Variants in POU3F3 observed in about 807,000 individuals in gnomAD.
The protein encoded by POU3F3 is POU class 3 homeobox 3, also known as POU domain, class 3, transcription factor 3.
POU3F3 carries 1 observed loss-of-function variant against 8.6 expected under a neutral mutation model. That is an observed-to-expected ratio of 0.12 (90% CI 0.04 to 0.55). The LOEUF (loss-of-function observed/expected upper bound fraction) is 0.55. Among genes scored for constraint, POU3F3 ranks in the 20% least tolerant of loss-of-function variants. POU3F3 has a pLI of 0.91. For synonymous variants in POU3F3, 418 were observed against 327.4 expected (o/e 1.28, Z -2.99); for missense variants, 577 against 690.7 (o/e 0.84, Z 1.84).
chr2:104,857,223 G>A lies in POU3F3; in HGVS notation c.*210G>A, dbSNP rs950578843. Reference sequence around the variant, plus strand: ...GACAGGCATGCCCGCCCTTGGAGGAGAAAACGCGGGAGAAACGGACCAAGG... The same window carrying A: ...GACAGGCATGCCCGCCCTTGGAGGAAAAAACGCGGGAGAAACGGACCAAGG... On this transcript the variant is annotated 3_prime_UTR_variant, in exon 1 of 1. Transcript: ENST00000361360. 3.2e-5 allele frequency: 15 copies of A among 463,426 alleles called. No homozygotes were observed. Among genetic ancestry groups the A allele is most frequent in the African/African-American group, 3.0e-4 (14 of 47,148 alleles). The allele number at this position is 463,426 out of a possible 1,614,324, so 28.7% of individuals were successfully genotyped here.
chr2:104,901,375 T>C, the POU3F3 span, among the ~76,000 whole-genome samples: 1 of 152,342 alleles, frequency 6.6e-6, no homozygotes, highest in Admixed American at 6.5e-5. Flanking sequence ...TCGATATGTT[T>C]TGGGCCTAAT....
the POU3F3 span, among the ~76,000 whole-genome samples, chr2:104,890,547 T>C: frequency 1.6e-3 from 237 of 152,246 alleles, 1 homozygote; most frequent in Non-Finnish European, 3.0e-3. Context: ...GCATCAAGCA[T>C]TGCTGTGAAC....
At chr2:104,914,960 T>G in the POU3F3 span, among the ~76,000 whole-genome samples, 1 of 152,222 alleles carries the variant, frequency 6.6e-6, no homozygotes, top group Non-Finnish European at 1.5e-5. Context: ...GACCTCTCTG[T>G]GGAGCCCTGA....
the POU3F3 span, among the ~76,000 whole-genome samples, chr2:104,893,814 C>T: frequency 6.9e-5 from 10 of 145,184 alleles, no homozygotes; most frequent in Admixed American, 1.4e-4. Flanking sequence ...ACCCTGGAGG[C>T]GGAGGTTGCA....
At chr2:104,872,633 C>A in the POU3F3 span, 1 of 253,312 alleles carries the variant, frequency 3.9e-6, no homozygotes, top group Non-Finnish European at 7.7e-6. This position sits in a 1 kb window ranked among gnomAD's most constrained non-coding sequence, Gnocchi z 4.6. Context: ...AAACCCAGGC[C>A]GCGGGCTCCC....
the POU3F3 span, among the ~76,000 whole-genome samples, chr2:104,873,537 TCA>T: frequency 6.6e-6 from 1 of 152,088 alleles, no homozygotes; most frequent in Non-Finnish European, 1.5e-5. Context: ...GCACTCGCAC[TCA>T]CACACACTCA....
the POU3F3 span, among the ~76,000 whole-genome samples, chr2:104,917,396 T>C: frequency 1.3e-5 from 2 of 152,230 alleles, no homozygotes; most frequent in Non-Finnish European, 2.9e-5. Flanking sequence ...CAATTGTTAA[T>C]CAAATAATTC....
the POU3F3 span, among the ~76,000 whole-genome samples, chr2:104,914,652 G>A: frequency 2.0e-5 from 3 of 152,166 alleles, no homozygotes; most frequent in Non-Finnish European, 4.4e-5. Flanking sequence ...CTGGCGATTG[G>A]AAGACTGGCT....
chr2:104,863,798 C>G, the POU3F3 span, among the ~76,000 whole-genome samples: 1 of 152,242 alleles, frequency 6.6e-6, no homozygotes, highest in African/African-American at 2.4e-5. Context: ...TAACCTTTCG[C>G]TCGGGTCCCC....
At chr2:104,901,840 T>A in the POU3F3 span, among the ~76,000 whole-genome samples, 1 of 152,360 alleles carries the variant, frequency 6.6e-6, no homozygotes, top group African/African-American at 2.4e-5. Context: ...GGTGTTCCAT[T>A]AACCAAGTCG....
At chr2:104,882,061 G>A in the POU3F3 span, among the ~76,000 whole-genome samples, 1 of 152,152 alleles carries the variant, frequency 6.6e-6, no homozygotes, top group African/African-American at 2.4e-5. Flanking sequence ...CTCACTAAAA[G>A]ATTATTACAG....
the POU3F3 span, among the ~76,000 whole-genome samples, chr2:104,883,530 A>G: frequency 2.0e-5 from 3 of 152,212 alleles, no homozygotes; most frequent in Non-Finnish European, 4.4e-5. Flanking sequence ...GAGCTGCCCA[A>G]GGAAGAGTCA....
the POU3F3 span, among the ~76,000 whole-genome samples, chr2:104,927,051 T>G: frequency 1.8e-4 from 27 of 152,170 alleles, 1 homozygote; most frequent in Non-Finnish European, 8.8e-5. Context: ...TGTGTATACC[T>G]ATGTAACAAA....
rs984986074 is a variant in POU3F3, at chr2:104,855,112, G to C, written c.-399G>C. 2.0e-5 allele frequency among the ~76,000 whole-genome samples: 3 copies of C among 151,820 alleles called. No homozygotes were observed. Among genetic ancestry groups the C allele is most frequent in the Admixed American group, 1.3e-4 (2 of 15,264 alleles). ...GGCGAGCCCCGCTGGAGCGAGCCCA[G>C]CGCGCCGGGGCTGGGGGGCGGCCAC... On this transcript the variant is annotated 5_prime_UTR_variant, in exon 1 of 1. Coordinates refer to ENST00000361360, the MANE Select transcript of POU3F3 (RefSeq NM_006236.3).
At chr2:104,924,383 G>A in the POU3F3 span, among the ~76,000 whole-genome samples, 169 of 152,294 alleles carry the variant, frequency 1.1e-3, no homozygotes, top group African/African-American at 3.9e-3. Flanking sequence ...ATGCAGAATC[G>A]ATGGGGAGGG....
the POU3F3 span, among the ~76,000 whole-genome samples, chr2:104,870,202 C>T: frequency 3.3e-5 from 5 of 152,288 alleles, no homozygotes; most frequent in African/African-American, 1.2e-4. Flanking sequence ...TAATACCACG[C>T]CATCCTGTTA....
the POU3F3 span, chr2:104,872,231 G>A: frequency 4.4e-6 from 2 of 456,580 alleles, no homozygotes; most frequent in Admixed American, 4.7e-5. The surrounding 1 kb of genome is among the most constrained non-coding windows in gnomAD (Gnocchi z 4.6). Context: ...CCGCTCCCCG[G>A]CGTTCTGGAC....
At chr2:104,915,917 A>G in the POU3F3 span, among the ~76,000 whole-genome samples, 46 of 152,100 alleles carry the variant, frequency 3.0e-4, 1 homozygote, top group East Asian at 7.9e-3. Flanking sequence ...GATGTCCTTT[A>G]CAGCAAAGGT....
the POU3F3 span, among the ~76,000 whole-genome samples, chr2:104,885,569 C>T: frequency 1.3e-5 from 2 of 152,164 alleles, no homozygotes; most frequent in Non-Finnish European, 2.9e-5. Context: ...TGCTAAAAGG[C>T]ACTCCCACCA....
Sources: allele counts gnomAD v4.1 joint callset (sites outside exome capture counted in the v4.1 genomes callset), GRCh38; gene constraint gnomAD v4.1.1; non-coding constraint Gnocchi (gnomAD v3.1); transcripts MANE v1.5; gene names NCBI Gene and HGNC (gene_info 2026-07-23, HGNC 2026-07-21).